Variants in STAP1 observed in about 807,000 individuals in gnomAD.
STAP1 encodes signal-transducing adaptor protein 1.
Under a neutral mutation model 37.8 loss-of-function variants are expected in STAP1, and 30 were observed. The observed-to-expected ratio is 0.79, with a 90% confidence interval of 0.59 to 1.08. The LOEUF (loss-of-function observed/expected upper bound fraction) is 1.08. Among genes scored for constraint, STAP1 ranks in the 50% least tolerant of loss-of-function variants. The pLI, the probability that STAP1 is intolerant of heterozygous loss-of-function variation, is 0.00. For synonymous variants in STAP1, 130 were observed against 116.0 expected, an observed-to-expected ratio of 1.12 and a Z score of -0.78; for missense variants, 357 against 349.4, an observed-to-expected ratio of 1.02 and a Z score of -0.17.
At chr4:67,605,388 C>CAA (rs10643250) in intron 8 of STAP1, among the ~76,000 whole-genome samples, 58,839 of 124,438 alleles carry the variant, frequency 0.47, 14,679 homozygotes, top group East Asian at 0.75. Flanking sequence ...ATAGACAATA[C>CAA]AAAAAAAAAA....
At chr4:67,581,246 C>A in intron 4 of STAP1, 59 bp from the exon 5 acceptor site, 1 of 1,545,640 alleles carries the variant, frequency 6.5e-7, no homozygotes. Context: ...GTCGTCTTTA[C>A]TAAAGTTATA....
intron 6 of STAP1, among the ~76,000 whole-genome samples, chr4:67,587,904 A>G (rs1728022666): frequency 6.6e-6 from 1 of 151,392 alleles, no homozygotes; most frequent in African/African-American, 2.4e-5. Flanking sequence ...TTGTAGTTTT[A>G]GTACAGACGG....
At chr4:67,562,759 G>A (rs978416554) in intron 1 of STAP1, among the ~76,000 whole-genome samples, 2 of 151,830 alleles carry the variant, frequency 1.3e-5, no homozygotes, top group East Asian at 3.9e-4. Flanking sequence ...GCAACAGAGG[G>A]AGACTCCATC....
rs562292900 is a variant in STAP1, at chr4:67,562,732, A to T, written c.120+3803A>T. Among the ~76,000 whole-genome samples the T allele has an allele frequency of 2.6e-5, 4 of 152,168 alleles. 1 individual carries two copies. The South Asian group carries it at 8.3e-4, about 32-fold the overall frequency. ...GCTTGCAGGGAGCGGAGATTGCGCC[A>T]TTGCACTCCAACCTGGGCAACAGAG... On this transcript the variant is annotated intron_variant, in intron 1 of 8. Transcript: ENST00000265404.
At chr4:67,589,530 T>C (rs1728076840) in intron 6 of STAP1, among the ~76,000 whole-genome samples, 1 of 152,234 alleles carries the variant, frequency 6.6e-6, no homozygotes, top group African/African-American at 2.4e-5. Context: ...AAAGACCCTG[T>C]GCCTAGCTTA....
At chr4:67,585,696 T>C (rs1465709127) in intron 6 of STAP1, among the ~76,000 whole-genome samples, 2 of 152,254 alleles carry the variant, frequency 1.3e-5, no homozygotes, top group African/African-American at 4.8e-5. Context: ...GATTTTTCAA[T>C]TACAACCTAA....
At chr4:67,588,182 T>C (rs1257042128) in intron 6 of STAP1, among the ~76,000 whole-genome samples, 2 of 151,750 alleles carry the variant, frequency 1.3e-5, no homozygotes, top group Non-Finnish European at 2.9e-5. Context: ...AAACAGAATA[T>C]GAAAGGAAAG....
chr4:67,592,181 G>T (rs1042103472), intron 7 of STAP1, among the ~76,000 whole-genome samples: 7 of 152,006 alleles, frequency 4.6e-5, no homozygotes, highest in Non-Finnish European at 8.8e-5. Context: ...GAGCACAGTG[G>T]CTGTTCACAG....
chr4:67,577,544 T>C (rs1469819885), intron 4 of STAP1, among the ~76,000 whole-genome samples: 5 of 152,220 alleles, frequency 3.3e-5, no homozygotes, highest in African/African-American at 9.6e-5. Flanking sequence ...ATCTACTTTT[T>C]GGTCTTATCT....
At chr4:67,577,769 C>T (rs1233862544) in intron 4 of STAP1, among the ~76,000 whole-genome samples, 1 of 151,614 alleles carries the variant, frequency 6.6e-6, no homozygotes, top group Non-Finnish European at 1.5e-5. Flanking sequence ...CTGCTTCAGC[C>T]TCTCAAGTAG....
chr4:67,598,353 C>T (rs557752605), intron 8 of STAP1, among the ~76,000 whole-genome samples: 49 of 152,272 alleles, frequency 3.2e-4, no homozygotes, highest in African/African-American at 1.0e-3. Context: ...AAGGAGCCTT[C>T]ATCCTGTTCT....
At chr4:67,595,647 T>C (rs545514353) in intron 8 of STAP1, among the ~76,000 whole-genome samples, 57 of 152,356 alleles carry the variant, frequency 3.7e-4, no homozygotes, top group Non-Finnish European at 4.9e-4. Flanking sequence ...GTTCCTACCC[T>C]TTTGCCACAC....
intron 6 of STAP1, among the ~76,000 whole-genome samples, chr4:67,587,380 G>A (rs1728007230): frequency 1.3e-5 from 2 of 152,170 alleles, no homozygotes; most frequent in South Asian, 4.1e-4. Context: ...CTGTGGGAGG[G>A]AATACTTGTT....
At chr4:67,564,944 A>G (rs78444224) in intron 1 of STAP1, among the ~76,000 whole-genome samples, 1,695 of 152,188 alleles carry the variant, frequency 0.011, 27 homozygotes, top group African/African-American at 0.039. Context: ...AACTACACAG[A>G]TGATAAAGTT....
In STAP1 at chr4:67,573,317, T is replaced by C. The variant is rs528017167; in HGVS notation, c.193-2068T>C. On this transcript the variant is annotated intron_variant, in intron 2 of 8. Coordinates refer to ENST00000265404, the MANE Select transcript of STAP1 (RefSeq NM_012108.4). ...TAGAGATGTTTGAACACAGACTGGA[T>C]GACTAATGAAAGGATACCCTGGCAG... is the stretch of plus-strand genomic sequence containing the variant. Among the ~76,000 whole-genome samples the C allele has an allele frequency of 2.5e-3, 381 of 152,314 alleles. 2 individuals carry two copies. The highest frequency in any genetic ancestry group is 8.7e-3 in the African/African-American group (361 of 41,560).
At chr4:67,588,441 G>T (rs372273623) in intron 6 of STAP1, among the ~76,000 whole-genome samples, 1 of 151,702 alleles carries the variant, frequency 6.6e-6, no homozygotes, top group East Asian at 1.9e-4. Context: ...ACGGGGCCTC[G>T]CTCTGTCTCA....
chr4:67,597,477 A>G (rs979903087), intron 8 of STAP1, among the ~76,000 whole-genome samples: 1 of 152,180 alleles, frequency 6.6e-6, no homozygotes, highest in Non-Finnish European at 1.5e-5. Flanking sequence ...GAGCTGTGAG[A>G]AGAGAACCAC....
intron 1 of STAP1, among the ~76,000 whole-genome samples, chr4:67,570,794 G>A (rs1277640382): frequency 6.6e-6 from 1 of 152,050 alleles, no homozygotes; most frequent in Non-Finnish European, 1.5e-5. Context: ...GCCAGGTATG[G>A]TGGCATATGC....
chr4:67,567,300 T>C (rs1335715671), intron 1 of STAP1, among the ~76,000 whole-genome samples: 3 of 152,210 alleles, frequency 2.0e-5, no homozygotes, highest in Non-Finnish European at 4.4e-5. Context: ...TGTTCTTTTC[T>C]ATGGTAATTT....
Sources: allele counts gnomAD v4.1 joint callset (sites outside exome capture counted in the v4.1 genomes callset), GRCh38; gene constraint gnomAD v4.1.1; transcripts MANE v1.5; gene names NCBI Gene and HGNC (gene_info 2026-07-23, HGNC 2026-07-21).